The following ADGRV1 variants were observed in gnomAD, a reference collection of about 807,000 sequenced individuals.
ADGRV1 encodes the protein adhesion G protein-coupled receptor V1, also known as G-protein coupled receptor 98.
ADGRV1 carries 359 observed loss-of-function variants against 596.2 expected under a neutral mutation model. The ratio of observed to expected loss-of-function variants is 0.60; its 90% CI spans 0.55 to 0.66. The LOEUF is 0.66. ADGRV1 is among the 30% of genes least tolerant of loss of function. The pLI is 0.00. For synonymous variants in ADGRV1, 2,681 were observed against 2,679.2 expected, an observed-to-expected ratio of 1.00 and a Z score of -0.02; for missense variants, 7,274 against 7,575.6, an observed-to-expected ratio of 0.96 and a Z score of 1.48.
At chr5:91,090,172 G>C (rs1438233879) in intron 86 of ADGRV1, among the ~76,000 whole-genome samples, 1 of 152,040 alleles carries the variant, frequency 6.6e-6, no homozygotes, top group African/African-American at 2.4e-5. Context: ...GAAGAAAACA[G>C]AGCACTTAAC....
At chr5:90,785,321 A>G (rs1413229127) in intron 67 of ADGRV1, among the ~76,000 whole-genome samples, 1 of 152,214 alleles carries the variant, frequency 6.6e-6, no homozygotes, top group African/African-American at 2.4e-5. Context: ...AACCTAGGCA[A>G]TACCATTCAG....
At chr5:90,950,758 T>C (rs1409233973) in intron 83 of ADGRV1, among the ~76,000 whole-genome samples, 2 of 152,238 alleles carry the variant, frequency 1.3e-5, no homozygotes, top group East Asian at 3.8e-4. Context: ...GGGAGTACTT[T>C]AGTTGAAGGG....
chr5:90,769,168 C>T lies in ADGRV1; in HGVS notation c.12286-5018C>T, dbSNP rs145715260. Among the ~76,000 whole-genome samples, 205 of 152,246 alleles carry T rather than the reference C, an allele frequency of 1.3e-3. 2 individuals are homozygous for T. The highest frequency in any genetic ancestry group is 4.5e-3 in the African/African-American group (189 of 41,570). On this transcript the variant is annotated intron_variant, in intron 59 of 89. Transcript: ENST00000405460. ...CCAGAAGGGGAATCTTAGTGAACAT[C>T]AGAGCATCCACCACTGAGATGCAGG...
At chr5:90,997,848 T>C (rs1178163098) in intron 85 of ADGRV1, among the ~76,000 whole-genome samples, 2 of 152,078 alleles carry the variant, frequency 1.3e-5, no homozygotes, top group Admixed American at 6.6e-5. Flanking sequence ...TGTCCTAGGA[T>C]TGTGATGTGG....
At chr5:90,773,277 T>A (rs1223088240) in intron 59 of ADGRV1, among the ~76,000 whole-genome samples, 1 of 151,700 alleles carries the variant, frequency 6.6e-6, no homozygotes, top group Non-Finnish European at 1.5e-5. Context: ...GAGTGAATAA[T>A]ATGATGGGAA....
chr5:90,840,782 G>T lies in ADGRV1; in HGVS notation c.16816G>T (p.Ala5606Ser), dbSNP rs878873453. Reference protein sequence around the residue: ...QIVLFDPKGGARIDKVYGTAN... With the variant: ...QIVLFDPKGGSRIDKVYGTAN... Reference sequence around the variant, plus strand: ...TGTCCTTTTTGACCCAAAAGGTGGTGCCAGAATTGATAAAGTGTATGGGAC... The same window carrying T: ...TGTCCTTTTTGACCCAAAAGGTGGTTCCAGAATTGATAAAGTGTATGGGAC... Residue 5606 changes from alanine to serine, a missense_variant, in exon 78 of 90, where the codon GCC becomes TCC. By Grantham distance (99) the Ala-to-Ser change is moderately conservative (BLOSUM62 1). Around this residue, in one of 5 missense-constraint regions of ADGRV1, gnomAD observed 1,874 missense variants for 1,970.2 expected, o/e 0.95. Transcript: ENST00000405460. 3.1e-6 allele frequency: 5 copies of T among 1,613,858 alleles called. No individual in the cohort carries two copies. Among genetic ancestry groups the T allele is most frequent in the Middle Eastern group, 1.6e-4 (1 of 6,084 alleles).
intron 15 of ADGRV1, 28 bp downstream of exon 15, chr5:90,644,897 T>A: frequency 6.9e-7 from 1 of 1,452,542 alleles, no homozygotes; most frequent in Non-Finnish European, 9.3e-7. Context: ...CTTTCTGCCT[T>A]ACTTGTTGTA....
intron 82 of ADGRV1, among the ~76,000 whole-genome samples, chr5:90,858,185 G>C (rs945493773): frequency 6.6e-6 from 1 of 152,162 alleles, no homozygotes; most frequent in African/African-American, 2.4e-5. Context: ...TAAAATGAAA[G>C]GACAAATCAT....
At chr5:90,847,997 G>A (rs553104558) in intron 78 of ADGRV1, among the ~76,000 whole-genome samples, 14 of 152,180 alleles carry the variant, frequency 9.2e-5, no homozygotes, top group African/African-American at 3.4e-4. Context: ...GGGCTGTGAG[G>A]GCTGCCAGCA....
chr5:91,160,816 G>A (rs1308694186), intron 89 of ADGRV1, among the ~76,000 whole-genome samples: 4 of 152,192 alleles, frequency 2.6e-5, no homozygotes, highest in Non-Finnish European at 5.9e-5. Flanking sequence ...CTCAGTGAGG[G>A]ATGAGTATCT....
intron 43 of ADGRV1, 143 bp from the exon 44 acceptor site, chr5:90,719,905 A>G (rs1483339731): frequency 1.5e-6 from 1 of 656,892 alleles, no homozygotes. Flanking sequence ...CCATCACATT[A>G]TAGGAATCAG....
rs1746840889 is a variant in ADGRV1 at position 90,694,037 on chromosome 5, G to A, written c.7281G>A (p.Met2427Ile). 2 of 1,613,784 alleles carry A rather than the reference G, an allele frequency of 1.2e-6. No homozygotes were observed. The highest frequency in any genetic ancestry group is 1.7e-6 in the Non-Finnish European group (2 of 1,179,836). Reference protein sequence around the residue: ...GVPDPLWRTWMNVSAVGEPLY... With the variant: ...GVPDPLWRTWINVSAVGEPLY... ...CTGACCCACTTTGGAGAACTTGGAT[G>A]AATGTCTCTGCCGTGGGGGAGCCCC... Residue 2427 changes from methionine to isoleucine, a missense_variant, in exon 33 of 90, where the codon ATG becomes ATA. By Grantham distance (10) the Met-to-Ile change is conservative. Coordinates refer to ENST00000405460, the MANE Select transcript of ADGRV1 (RefSeq NM_032119.4).
At chr5:91,081,813 A>T (rs967074602) in intron 86 of ADGRV1, among the ~76,000 whole-genome samples, 9 of 152,138 alleles carry the variant, frequency 5.9e-5, no homozygotes, top group Non-Finnish European at 8.8e-5. Flanking sequence ...ATAAAAATTT[A>T]AAAAATAAAA....
rs77263264 is a variant in ADGRV1, at chr5:90,815,925, C to T, written c.16196+189C>T. 3.5e-3 allele frequency among the ~76,000 whole-genome samples: 536 copies of T among 152,202 alleles called. 5 individuals carry two copies. The highest frequency in any genetic ancestry group is 0.012 in the African/African-American group (515 of 41,546). On this transcript the variant is annotated intron_variant, in intron 75 of 89. Transcript: ENST00000405460. ...CGTTTATGATCATAACTTAGGGTTA[C>T]CTTGAGTGTTTTCTACTTCATGAAG... is the stretch of plus-strand genomic sequence containing the variant.
chr5:90,917,229 G>GT (rs760636257), intron 83 of ADGRV1, among the ~76,000 whole-genome samples: 7 of 152,036 alleles, frequency 4.6e-5, no homozygotes, highest in Non-Finnish European at 8.8e-5. Flanking sequence ...AATCTTCATT[G>GT]TTTTCAGGAC....
chr5:90,811,127 TGAA>T lies in ADGRV1; in HGVS notation c.15876_15878del (p.Glu5292del), dbSNP rs1406119208. ...GGATTTCCAACCTAACATGGGCAGTTGAAGAAGAAGACTTTGAAGAACAAACTC... is the reference window on the plus strand; with the variant it reads ...GGATTTCCAACCTAACATGGGCAGTTGAAGAAGACTTTGAAGAACAAACTC... On this transcript the variant is annotated inframe_deletion, in exon 74 of 90. Transcript: ENST00000405460. The T allele has an allele frequency of 2.5e-6, 4 of 1,613,750 alleles. No individual in the cohort carries two copies. The highest frequency in any genetic ancestry group is 1.6e-4 in the Middle Eastern group (1 of 6,084).
chr5:91,101,693 A>T (rs543397039), intron 86 of ADGRV1, among the ~76,000 whole-genome samples: 72 of 152,308 alleles, frequency 4.7e-4, no homozygotes, highest in African/African-American at 1.7e-3. Flanking sequence ...CAGTCACTTC[A>T]TCTTTGCTCT....
intron 28 of ADGRV1, among the ~76,000 whole-genome samples, chr5:90,685,456 G>A (rs975530543): frequency 4.0e-5 from 6 of 151,868 alleles, no homozygotes; most frequent in Non-Finnish European, 7.4e-5. Flanking sequence ...ATGGCAGCAC[G>A]TGCCTGTAGT....
At chr5:90,610,483 A>G (rs1018961360) in intron 1 of ADGRV1, among the ~76,000 whole-genome samples, 2 of 152,016 alleles carry the variant, frequency 1.3e-5, no homozygotes, top group Non-Finnish European at 2.9e-5. Flanking sequence ...TTCTGAAGAC[A>G]TCCTTAGTTT....
Sources: allele counts gnomAD v4.1 joint callset (sites outside exome capture counted in the v4.1 genomes callset), GRCh38; gene constraint gnomAD v4.1.1; regional missense constraint gnomAD v4.1.1; transcripts MANE v1.5; gene names NCBI Gene and HGNC (gene_info 2026-07-23, HGNC 2026-07-21).